The following NRXN3 variants were observed in gnomAD, a reference collection of about 807,000 sequenced individuals.
NRXN3 encodes neurexin 3.
Under a neutral mutation model 137.6 loss-of-function variants are expected in NRXN3, and 32 were observed. That is an observed-to-expected ratio of 0.23 (90% CI 0.18 to 0.31). NRXN3 has a LOEUF of 0.31. Among genes scored for constraint, NRXN3 ranks in the 10% least tolerant of loss-of-function variants. NRXN3 has a pLI of 1.00. For synonymous variants in NRXN3, 798 were observed against 784.5 expected, an observed-to-expected ratio of 1.02 and a Z score of -0.29; for missense variants, 1,574 against 2,062.5, an observed-to-expected ratio of 0.76 and a Z score of 4.59.
intron 3 of NRXN3, among the ~76,000 whole-genome samples, chr14:78,281,273 T>G (rs1218940982): frequency 6.6e-6 from 1 of 152,242 alleles, no homozygotes; most frequent in African/African-American, 2.4e-5. Context: ...GCTGTGGTTC[T>G]GAAACAAGAA....
chr14:79,261,524 C>T (rs1481251501), intron 15 of NRXN3, among the ~76,000 whole-genome samples: 1 of 150,858 alleles, frequency 6.6e-6, no homozygotes, highest in African/African-American at 2.4e-5. Flanking sequence ...AAGTGCCTCA[C>T]ATAAGTAGGG....
intron 15 of NRXN3, among the ~76,000 whole-genome samples, chr14:79,143,657 A>G (rs1034420458): frequency 2.6e-5 from 4 of 152,234 alleles, no homozygotes; most frequent in African/African-American, 7.2e-5. Flanking sequence ...TTGCTTTAAG[A>G]TCTGGAAGCT....
At chr14:79,426,625 G>A (rs1265153244) in intron 15 of NRXN3, among the ~76,000 whole-genome samples, 1 of 152,130 alleles carries the variant, frequency 6.6e-6, no homozygotes, top group Non-Finnish European at 1.5e-5. Flanking sequence ...AACGTGCTGT[G>A]TTTATTTAAT....
chr14:78,493,912 A>G (rs1544623), intron 4 of NRXN3, among the ~76,000 whole-genome samples: 44,934 of 152,108 alleles, frequency 0.3, 8,351 homozygotes, highest in East Asian at 0.39. Context: ...GCATGGACTG[A>G]AGTAAACACG....
chr14:79,369,516 C>G (rs749647241), intron 15 of NRXN3, among the ~76,000 whole-genome samples: 2 of 152,102 alleles, frequency 1.3e-5, no homozygotes, highest in Non-Finnish European at 2.9e-5. Flanking sequence ...GGTTTGATGA[C>G]CTGGTGCATG....
Position 79,467,134 on chromosome 14 carries a change from TG to T in NRXN3, c.3263-86del. The stretch of plus-strand genomic sequence containing the variant: ...ATGGGGGACATTTCCTCTCTGCAGC[TG>T]TTCTGTGTAGGGTCTCAACAGTGTG... On this transcript the variant is annotated intron_variant, in intron 15 of 20. Transcript: ENST00000335750. 3.9e-6 allele frequency: 5 copies of T among 1,273,368 alleles called. No homozygotes were observed. In the East Asian group the frequency reaches 1.2e-4, roughly 31 times the overall value. The allele number at this position is 1,273,368 out of a possible 1,614,324, so 78.9% of individuals were successfully genotyped here.
At chr14:79,445,755 T>C (rs1382744064) in intron 15 of NRXN3, among the ~76,000 whole-genome samples, 1 of 152,164 alleles carries the variant, frequency 6.6e-6, no homozygotes, top group Non-Finnish European at 1.5e-5. Flanking sequence ...CCAGTGCTTG[T>C]AGTGCAGTGA....
At chr14:79,367,199 G>A (rs932239590) in intron 15 of NRXN3, among the ~76,000 whole-genome samples, 1 of 152,034 alleles carries the variant, frequency 6.6e-6, no homozygotes, top group African/African-American at 2.4e-5. Context: ...TAGCCAGGAT[G>A]GTCTCGATCT....
chr14:79,774,652 A>G (rs1397134329), intron 19 of NRXN3, among the ~76,000 whole-genome samples: 1 of 152,116 alleles, frequency 6.6e-6, no homozygotes, highest in Admixed American at 6.6e-5. Context: ...TGGCCTTCAC[A>G]TATGCTTTGC....
intron 10 of NRXN3, among the ~76,000 whole-genome samples, chr14:78,932,001 A>G (rs1027633904): frequency 1.1e-4 from 17 of 152,134 alleles, no homozygotes; most frequent in African/African-American, 2.9e-4. Flanking sequence ...TTAGCTGGGC[A>G]TGGTGGCAGG....
intron 10 of NRXN3, among the ~76,000 whole-genome samples, chr14:78,912,032 T>C (rs2099239720): frequency 6.6e-6 from 1 of 151,248 alleles, no homozygotes; most frequent in Non-Finnish European, 1.5e-5. Flanking sequence ...AACTCGTCAT[T>C]TAGCATTAGG....
intron 15 of NRXN3, among the ~76,000 whole-genome samples, chr14:79,338,620 G>A (rs1290839776): frequency 1.3e-5 from 2 of 152,144 alleles, no homozygotes; most frequent in Non-Finnish European, 2.9e-5. Flanking sequence ...TTGCTTTGCA[G>A]AATTGCTGTA....
chr14:78,357,386 TC>T (rs946225349), intron 4 of NRXN3, among the ~76,000 whole-genome samples: 2 of 152,144 alleles, frequency 1.3e-5, no homozygotes, highest in African/African-American at 4.8e-5. Context: ...ACCAGGTTCT[TC>T]CCACCACATG....
At chr14:78,776,012 T>C (rs187875411) in intron 8 of NRXN3, among the ~76,000 whole-genome samples, 1 of 152,316 alleles carries the variant, frequency 6.6e-6, no homozygotes, top group East Asian at 1.9e-4. Flanking sequence ...GTGTTAACCT[T>C]TGGGGATTCA....
At chr14:79,419,837 A>G (rs529745716) in intron 15 of NRXN3, among the ~76,000 whole-genome samples, 3 of 152,302 alleles carry the variant, frequency 2.0e-5, no homozygotes, top group African/African-American at 7.2e-5. Flanking sequence ...TACCTGGCTC[A>G]TAACTGGGAG....
chr14:79,117,561 C>G (rs2054658137), intron 15 of NRXN3, among the ~76,000 whole-genome samples: 3 of 152,152 alleles, frequency 2.0e-5, no homozygotes, highest in African/African-American at 7.2e-5. Flanking sequence ...GAGGTATGCC[C>G]CCCAAAATGT....
At chr14:78,787,492 G>T (rs911876927) in intron 8 of NRXN3, among the ~76,000 whole-genome samples, 3 of 152,052 alleles carry the variant, frequency 2.0e-5, no homozygotes, top group African/African-American at 7.2e-5. Flanking sequence ...ATAAAGCAAA[G>T]GTAATAGGTA....
chr14:78,372,175 A>T (rs2086956711), intron 4 of NRXN3, among the ~76,000 whole-genome samples: 1 of 144,024 alleles, frequency 6.9e-6, no homozygotes, highest in African/African-American at 2.6e-5. Flanking sequence ...TGAAAAAAAA[A>T]TTTTTACCAG....
At chr14:78,903,340 C>T (rs1221120816) in intron 10 of NRXN3, among the ~76,000 whole-genome samples, 1 of 151,676 alleles carries the variant, frequency 6.6e-6, no homozygotes, top group African/African-American at 2.4e-5. Context: ...TAGGGTTTCG[C>T]CACATTGCCC....
Sources: gnomAD v4.1 joint callset for allele counts (sites outside exome capture counted in the v4.1 genomes callset) on GRCh38, gnomAD v4.1.1 for gene constraint, MANE v1.5 for transcripts, NCBI Gene and HGNC (gene_info 2026-07-23, HGNC 2026-07-21) for gene names.